Variants in SYN3 observed in about 807,000 individuals in gnomAD.
SYN3 encodes the protein synapsin-3.
Under a neutral mutation model 65.8 loss-of-function variants are expected in SYN3, and 35 were observed. The observed-to-expected ratio is 0.53, with a 90% CI of 0.41 to 0.70. The LOEUF is 0.70. Ranked by LOEUF, SYN3 falls within the 30% of genes least tolerant of loss-of-function variation. The pLI, the probability that SYN3 is intolerant of heterozygous loss-of-function variation, is 0.00. For synonymous variants in SYN3, 270 were observed against 292.9 expected, an observed-to-expected ratio of 0.92 and a Z score of 0.80; for missense variants, 680 against 749.0, an observed-to-expected ratio of 0.91 and a Z score of 1.08.
chr22:33,032,022 C>T (rs2053763695), intron 1 of SYN3, among the ~76,000 whole-genome samples: 1 of 152,022 alleles, frequency 6.6e-6, no homozygotes, highest in Non-Finnish European at 1.5e-5. Flanking sequence ...CCAGCCTGGC[C>T]AACATGGTGA....
At chr22:32,588,400 T>A (rs1398881511) in intron 7 of SYN3, among the ~76,000 whole-genome samples, 2 of 152,222 alleles carry the variant, frequency 1.3e-5, no homozygotes, top group African/African-American at 4.8e-5. Context: ...CTGGGGATGC[T>A]GAATTTCCTT....
chr22:32,983,730 T>C (rs1180720145), intron 2 of SYN3, among the ~76,000 whole-genome samples: 1 of 152,178 alleles, frequency 6.6e-6, no homozygotes, highest in Non-Finnish European at 1.5e-5. Flanking sequence ...AAAGGTAGTA[T>C]CAGCAAATTC....
chr22:32,889,422 A>C (rs975266898), intron 4 of SYN3, among the ~76,000 whole-genome samples: 13 of 152,078 alleles, frequency 8.5e-5, no homozygotes, highest in Non-Finnish European at 1.3e-4. Flanking sequence ...CACAAGGAAA[A>C]AAAAAAAACA....
At chr22:32,806,419 G>A (rs1366796750) in intron 6 of SYN3, among the ~76,000 whole-genome samples, 5 of 152,174 alleles carry the variant, frequency 3.3e-5, no homozygotes, top group Admixed American at 1.3e-4. Flanking sequence ...ACAACAACAC[G>A]ATTCTCCATC....
rs564458681 is a variant in SYN3 at position 32,725,828 on chromosome 22, C to A, written c.712-129092G>T. On this transcript the variant is annotated intron_variant, in intron 6 of 13. Transcript: ENST00000358763. ...AGTGTATGGTCATTTGTTATAGCAG[C>A]CTCAGGAAGCAAATATGCTTAGTCA... 3.9e-5 allele frequency among the ~76,000 whole-genome samples: 6 copies of A among 152,324 alleles called. No individual in the cohort carries two copies. In the South Asian group the frequency reaches 1.2e-3, roughly 32 times the overall value.
chr22:32,866,811 T>C (rs774199612), intron 5 of SYN3, among the ~76,000 whole-genome samples: 13 of 152,158 alleles, frequency 8.5e-5, no homozygotes, highest in Non-Finnish European at 1.2e-4. Flanking sequence ...GTAAATTCTA[T>C]CCATACCTAT....
intron 6 of SYN3, among the ~76,000 whole-genome samples, chr22:32,699,645 C>CA (rs1281175941): frequency 6.6e-6 from 1 of 151,782 alleles, no homozygotes; most frequent in Non-Finnish European, 1.5e-5. Flanking sequence ...TGAGGATAGA[C>CA]AAAAAAGATA....
rs749108321 is a variant in SYN3, at chr22:32,513,646, G to C, written c.*46C>G. On this transcript the variant is annotated 3_prime_UTR_variant, in exon 14 of 14. Coordinates refer to ENST00000358763, the MANE Select transcript of SYN3 (RefSeq NM_003490.4). ...CTGAGAAGGAAGATGAGGCAGGAGG[G>C]GGACGAGTGTAGCAGAGCACTCTTC... 4 of 1,601,490 alleles carry C rather than the reference G, an allele frequency of 2.5e-6. No individual in the cohort carries two copies. Among genetic ancestry groups the C allele is most frequent in the Non-Finnish European group, 2.6e-6 (3 of 1,171,350 alleles).
chr22:32,587,966 T>C (rs1304676739), intron 7 of SYN3, among the ~76,000 whole-genome samples: 3 of 152,172 alleles, frequency 2.0e-5, no homozygotes, highest in African/African-American at 7.2e-5. Flanking sequence ...CACCATTTAC[T>C]GCTTGTGCCT....
At chr22:33,020,101 C>G (rs1179329753) in intron 1 of SYN3, among the ~76,000 whole-genome samples, 3 of 152,172 alleles carry the variant, frequency 2.0e-5, no homozygotes, top group Admixed American at 2.0e-4. Context: ...CTTAGAGACT[C>G]TGAACACAGA....
intron 6 of SYN3, among the ~76,000 whole-genome samples, chr22:32,691,586 T>A (rs2060662126): frequency 6.6e-6 from 1 of 152,072 alleles, no homozygotes; most frequent in African/African-American, 2.4e-5. Flanking sequence ...GTGAATCAGA[T>A]GAGGGTGAAG....
chr22:32,870,024 C>T (rs915458090), intron 4 of SYN3, among the ~76,000 whole-genome samples: 8 of 152,084 alleles, frequency 5.3e-5, no homozygotes, highest in African/African-American at 9.7e-5. Context: ...ATTCATACCA[C>T]CAAAGATCAA....
chr22:32,921,705 T>C (rs940520465), intron 4 of SYN3, among the ~76,000 whole-genome samples: 1 of 152,228 alleles, frequency 6.6e-6, no homozygotes, highest in African/African-American at 2.4e-5. Flanking sequence ...AATGGGGCTA[T>C]AATAATTATT....
chr22:33,012,988 G>A (rs2053386406), intron 1 of SYN3, among the ~76,000 whole-genome samples: 1 of 152,172 alleles, frequency 6.6e-6, no homozygotes, highest in Admixed American at 6.5e-5. Flanking sequence ...ATTATCATCT[G>A]TGAGAGGTTT....
At chr22:32,580,570 G>A (rs555241998) in intron 7 of SYN3, among the ~76,000 whole-genome samples, 14 of 152,212 alleles carry the variant, frequency 9.2e-5, no homozygotes, top group East Asian at 1.9e-4. Context: ...GGCTTCCACC[G>A]GGAGTCTTGG....
chr22:32,780,934 T>TTTCCTTCC (rs71187216), intron 6 of SYN3, among the ~76,000 whole-genome samples: 2,781 of 82,532 alleles, frequency 0.034, 96 homozygotes, highest in Middle Eastern at 0.096. Flanking sequence ...CCTTCCTTCC[T>TTTCCTTCC]TTCCTTCCTT....
chr22:32,644,497 C>T (rs982850154), intron 6 of SYN3, among the ~76,000 whole-genome samples: 1 of 152,106 alleles, frequency 6.6e-6, no homozygotes, highest in Admixed American at 6.5e-5. Context: ...TTCAGCATGC[C>T]CTGGCTCCAC....
chr22:32,589,202 G>A (rs1460378797), intron 7 of SYN3, among the ~76,000 whole-genome samples: 1 of 152,090 alleles, frequency 6.6e-6, no homozygotes, highest in African/African-American at 2.4e-5. Flanking sequence ...ATTCTTTCCC[G>A]AACAAAGCCA....
At chr22:32,669,973 C>G (rs1304753507) in intron 6 of SYN3, among the ~76,000 whole-genome samples, 1 of 152,178 alleles carries the variant, frequency 6.6e-6, no homozygotes, top group African/African-American at 2.4e-5. Context: ...AAGCAACAAG[C>G]TAGAAGGAGC....
Sources: gnomAD v4.1 joint callset for allele counts (sites outside exome capture counted in the v4.1 genomes callset) on GRCh38, gnomAD v4.1.1 for gene constraint, MANE v1.5 for transcripts, NCBI Gene and HGNC (gene_info 2026-07-23, HGNC 2026-07-21) for gene names.